KLHL30: variants seen among roughly 807,000 people sequenced by gnomAD.
The protein encoded by KLHL30 is kelch-like protein 30.
Under a neutral mutation model 55.0 loss-of-function variants are expected in KLHL30, and 55 were observed. That is an observed-to-expected ratio of 1.00 (90% CI 0.80 to 1.25). KLHL30 has a LOEUF of 1.25. Ranked by LOEUF, KLHL30 falls within the 50% of genes most tolerant of loss-of-function variation. The probability of loss-of-function intolerance (pLI) is 0.00; values close to 1 mark genes in which losing one functional copy is unlikely to be tolerated. For missense variants in KLHL30, 786 were observed against 811.6 expected (o/e 0.97, Z 0.38); for synonymous variants, 356 against 372.6 (o/e 0.96, Z 0.51).
chr2:238,142,409 G>T (rs1692559035), intron 2 of KLHL30, among the ~76,000 whole-genome samples: 1 of 152,196 alleles, frequency 6.6e-6, no homozygotes, highest in Non-Finnish European at 1.5e-5. Flanking sequence ...GGGCCAGGGT[G>T]GATGGCTGTG....
chr2:238,142,702 A>G, intron 2 of KLHL30, 97 bp from the exon 3 acceptor site: 1 of 1,163,884 alleles, frequency 8.6e-7, no homozygotes, highest in South Asian at 2.7e-5. Flanking sequence ...ATGCAAGCAC[A>G]CATGCACTCA....
chr2:238,144,432 A>AAGGAAGGAAGGAAGGAAGGCAGGCAGGC (rs1692608040), intron 3 of KLHL30, among the ~76,000 whole-genome samples: 19 of 82,368 alleles, frequency 2.3e-4, no homozygotes, highest in Non-Finnish European at 3.4e-4. Flanking sequence ...GGAAGGAAGG[A>AAGGAAGGAAGGAAGGAAGGCAGGCAGGC]AGGCAGGCAG....
At chr2:238,148,508 C>T (rs1232802986) in intron 6 of KLHL30, among the ~76,000 whole-genome samples, 1 of 152,246 alleles carries the variant, frequency 6.6e-6, no homozygotes, top group Non-Finnish European at 1.5e-5. Context: ...CGACCCTGGT[C>T]TCCAGTCCTG....
intron 2 of KLHL30, 104 bp downstream of exon 2, chr2:238,141,632 A>G: frequency 8.0e-7 from 1 of 1,254,918 alleles, no homozygotes; most frequent in Non-Finnish European, 1.1e-6. Flanking sequence ...TCCAAGGTGC[A>G]CTCTGACCTT....
At position 238,144,796 on chromosome 2, in the gene KLHL30, G is replaced by A. The variant is rs1010911696; in HGVS notation, c.908-106G>A. On this transcript the variant is annotated intron_variant, in intron 3 of 7. Transcript: ENST00000409223. ...CTCCCTTTCCCCACCAGTGAGGGGGGCATTTCTGCACCCGGTGCATGGAAA... is the reference window on the plus strand; with the variant it reads ...CTCCCTTTCCCCACCAGTGAGGGGGACATTTCTGCACCCGGTGCATGGAAA... 158 of 838,490 alleles carry A rather than the reference G, an allele frequency of 1.9e-4. 1 individual carries two copies. Among genetic ancestry groups the A allele is most frequent in the Non-Finnish European group, 2.7e-4 (134 of 504,674 alleles). 51.9% of individuals were successfully genotyped at this position (838,490 alleles called of 1,614,324 possible).
intron 5 of KLHL30, among the ~76,000 whole-genome samples, chr2:238,146,259 A>C (rs1433452161): frequency 1.3e-5 from 2 of 151,658 alleles, no homozygotes; most frequent in Non-Finnish European, 2.9e-5. Flanking sequence ...TCGCTCCTGT[A>C]ATCTCAGCAC....
In KLHL30 at chr2:238,150,961, C is replaced by G. The variant is rs575529473; in HGVS notation, c.1633C>G (p.Arg545Gly). 9 of 1,588,746 alleles carry G rather than the reference C, an allele frequency of 5.7e-6. No homozygotes were observed. Among genetic ancestry groups the G allele is most frequent in the Non-Finnish European group, 7.7e-6 (9 of 1,169,202 alleles). The change falls in exon 8 of 8, where the codon CGC becomes GGC. Residue 545 changes from arginine (R) to glycine (G), a missense_variant. Coordinates refer to ENST00000409223, the MANE Select transcript of KLHL30 (RefSeq NM_198582.4). ...CGACACGGTTCGGGACACCTGGACC[C>G]GCCACGGCGCCCTGCCCCGGCTCTG... ...AYDTVRDTWTRHGALPRLWLY... is the reference protein window; with the variant it reads ...AYDTVRDTWTGHGALPRLWLY...
At chr2:238,142,194 G>A (rs543702047) in intron 2 of KLHL30, among the ~76,000 whole-genome samples, 128 of 152,210 alleles carry the variant, frequency 8.4e-4, no homozygotes, top group Non-Finnish European at 1.6e-3. Flanking sequence ...AGCCAAGTCC[G>A]GGGACAAAGA....
At position 238,147,864 on chromosome 2, in the gene KLHL30, G is replaced by C; in HGVS notation, c.1181G>C (p.Ser394Thr). 6.4e-7 allele frequency: 1 copy of C among 1,573,036 alleles called. No individual in the cohort carries two copies. Among genetic ancestry groups the C allele is most frequent in the African/African-American group, 1.4e-5 (1 of 73,358 alleles). The change falls in exon 6 of 8, where the codon AGC becomes ACC. Residue 394 changes from serine to threonine, a missense_variant. By Grantham distance (58) the Ser-to-Thr change is moderately conservative. Transcript: ENST00000409223. This position sits in a 1 kb window ranked among gnomAD's most constrained non-coding sequence, Gnocchi z 5.8. ...ACCCTGGACGTGGTGGAGGTGGAGA[G>C]CTATGACCCCTACACGGACAGCTGG... ...GTTLDVVEVE[S>T]YDPYTDSWTP...
Position 238,151,423 on chromosome 2 carries a change from G to T in KLHL30, c.*358G>T. The T allele has an allele frequency of 5.8e-6, 2 of 343,956 alleles. No homozygotes were observed. Among genetic ancestry groups the T allele is most frequent in the Non-Finnish European group, 1.1e-5 (2 of 184,490 alleles). The allele number at this position is 343,956 out of a possible 1,614,324, so 21.3% of individuals were successfully genotyped here. A position where few individuals can be genotyped will look rare whatever the true frequency, so the allele number is the denominator to read the frequency against. ...CACTCCTGCCCCTGGACCCCAGCAG[G>T]GGCTTTTGGAGCAGTTGCATGAATG... On this transcript the variant is annotated 3_prime_UTR_variant, in exon 8 of 8. Coordinates refer to ENST00000409223, the MANE Select transcript of KLHL30 (RefSeq NM_198582.4).
intron 5 of KLHL30, 101 bp downstream of exon 5, chr2:238,145,933 A>T (rs1692640944): frequency 7.6e-7 from 1 of 1,315,162 alleles, no homozygotes; most frequent in Admixed American, 2.8e-5. Flanking sequence ...GAGACCACGG[A>T]GATGCCGCTC....
rs1235776751 is a variant in KLHL30, at chr2:238,140,702, G to C, written c.-53G>C. On this transcript the variant is annotated 5_prime_UTR_variant, in exon 2 of 8. Transcript: ENST00000409223. ...TCTCCTAGGAGCTCGGGCGGCTCCA[G>C]GCACTTCTTCCCTTGAGTGGGTGGA... The C allele has an allele frequency of 2.1e-6, 3 of 1,455,506 alleles. No individual in the cohort carries two copies. Among genetic ancestry groups the C allele is most frequent in the Admixed American group, 5.3e-5 (2 of 37,716 alleles). 90.2% of individuals were successfully genotyped at this position (1,455,506 alleles called of 1,614,324 possible). A position where few individuals can be genotyped will look rare whatever the true frequency, so the allele number is the denominator to read the frequency against.
At chr2:238,144,450 G>A (rs1348013770) in intron 3 of KLHL30, among the ~76,000 whole-genome samples, 1 of 118,918 alleles carries the variant, frequency 8.4e-6, no homozygotes, top group African/African-American at 2.8e-5. Flanking sequence ...CAGGCAGGCA[G>A]GCAGGCAGGC....
chr2:238,148,565 C>G (rs944634022), intron 6 of KLHL30, among the ~76,000 whole-genome samples: 1 of 148,690 alleles, frequency 6.7e-6, no homozygotes, highest in African/African-American at 2.5e-5. Flanking sequence ...TGTTCTGAGG[C>G]GTGGATGTGA....
Position 238,151,708 on chromosome 2 carries a change from C to A in KLHL30, c.*643C>A. On this transcript the variant is annotated 3_prime_UTR_variant, in exon 8 of 8. Coordinates refer to ENST00000409223, the MANE Select transcript of KLHL30 (RefSeq NM_198582.4). ...TCTGTGGACAAAGGAGGCCCCCACCCATCTCTTGCACCCAGAGGGCGGTGC... is the reference window on the plus strand; with the variant it reads ...TCTGTGGACAAAGGAGGCCCCCACCAATCTCTTGCACCCAGAGGGCGGTGC... 1 of 176,734 alleles carries A rather than the reference C, an allele frequency of 5.7e-6. No homozygotes were observed. Among genetic ancestry groups the A allele is most frequent in the Non-Finnish European group, 1.1e-5 (1 of 90,194 alleles). The allele number at this position is 176,734 out of a possible 1,614,324, so 10.9% of individuals were successfully genotyped here.
chr2:238,144,541 C>A (rs1423941554), intron 3 of KLHL30, among the ~76,000 whole-genome samples: 1 of 152,158 alleles, frequency 6.6e-6, no homozygotes, highest in African/African-American at 2.4e-5. Context: ...ACTTAACCCA[C>A]ACCGCATCTA....
In KLHL30 at chr2:238,147,973, C is replaced by A. The variant is rs568912282; in HGVS notation, c.1290C>A (p.Ser430Arg). ...CRGRLYLVGS[S>R]ACKYNALALQ... Reference sequence around the variant, plus strand: ...GCCGGCTCTACCTGGTGGGCTCCAGCGCCTGCAAGTACAACGCCCTGGCCC... The same window carrying A: ...GCCGGCTCTACCTGGTGGGCTCCAGAGCCTGCAAGTACAACGCCCTGGCCC... Residue 430 changes from serine (S) to arginine (R), a missense_variant, in exon 6 of 8, where the codon AGC becomes AGA. Physicochemically the swap from Ser to Arg is moderately radical, Grantham distance 110. Transcript: ENST00000409223. The surrounding 1 kb of genome is among the most constrained non-coding windows in gnomAD (Gnocchi z 5.8). 3 of 1,559,280 alleles carry A rather than the reference C, an allele frequency of 1.9e-6. No individual in the cohort carries two copies. Among genetic ancestry groups the A allele is most frequent in the Non-Finnish European group, 2.6e-6 (3 of 1,153,390 alleles).
chr2:238,143,160 C>T (rs561247031), intron 3 of KLHL30, among the ~76,000 whole-genome samples: 1 of 152,316 alleles, frequency 6.6e-6, no homozygotes, highest in South Asian at 2.1e-4. Context: ...TCCCTGCAGC[C>T]GGAGCCCAGG....
intron 7 of KLHL30, 86 bp from the exon 8 acceptor site, chr2:238,150,728 G>A (rs1352803923): frequency 1.4e-6 from 2 of 1,456,276 alleles, no homozygotes; most frequent in African/African-American, 2.8e-5. Flanking sequence ...TGTCCTCTCT[G>A]CCACTCCCCC....
Sources: gnomAD v4.1 joint callset for allele counts (sites outside exome capture counted in the v4.1 genomes callset) on GRCh38, gnomAD v4.1.1 for gene constraint, Gnocchi (gnomAD v3.1) non-coding constraint, MANE v1.5 for transcripts, NCBI Gene and HGNC (gene_info 2026-07-23, HGNC 2026-07-21) for gene names.